The following SNX8 variants were observed in gnomAD, a reference collection of about 807,000 sequenced individuals.
SNX8 encodes the protein sorting nexin-8.
Under a neutral mutation model 51.6 loss-of-function variants are expected in SNX8, and 25 were observed. That is an observed-to-expected ratio of 0.48 (90% confidence interval 0.35 to 0.68). The LOEUF (loss-of-function observed/expected upper bound fraction) is 0.68, where lower values mean the gene tolerates loss of function less well. Ranked by LOEUF, SNX8 falls within the 30% of genes least tolerant of loss-of-function variation. The pLI is 0.00. For synonymous variants in SNX8, 324 were observed against 277.0 expected (o/e 1.17, Z -1.68); for missense variants, 695 against 624.0 (o/e 1.11, Z -1.21).
At chr7:2,345,955 C>T (rs1303925559) in intron 1 of SNX8, among the ~76,000 whole-genome samples, 1 of 151,790 alleles carries the variant, frequency 6.6e-6, no homozygotes, top group Non-Finnish European at 1.5e-5. Flanking sequence ...TTATAGGCAC[C>T]CACCACCACT....
Position 2,324,772 on chromosome 7 carries a change from T to A in SNX8, c.-66+29450A>T, listed in dbSNP as rs544047174. On this transcript the variant is annotated intron_variant, in intron 1 of 5. Coordinates refer to the SNX8 transcript ENST00000435336. ...ACAACCCTTGTGGGCATTTGCCCTG[T>A]GTTATAAAGCTACCAATTTCTTCTC... is the stretch of plus-strand genomic sequence containing the variant. Among the ~76,000 whole-genome samples, 4 of 152,236 alleles carry A rather than the reference T, an allele frequency of 2.6e-5. No individual in the cohort carries two copies. The South Asian group carries it at 8.3e-4, about 32-fold the overall frequency.
intron 1 of SNX8, among the ~76,000 whole-genome samples, chr7:2,352,309 C>A (rs1779161613): frequency 6.6e-6 from 1 of 152,032 alleles, no homozygotes; most frequent in African/African-American, 2.4e-5. Flanking sequence ...AGACTGCTTC[C>A]AAACACAGTA....
At chr7:2,323,346 A>AC (rs899568685) in intron 1 of SNX8, among the ~76,000 whole-genome samples, 1 of 151,232 alleles carries the variant, frequency 6.6e-6, no homozygotes, top group Non-Finnish European at 1.5e-5. Context: ...AAAAAAAAAA[A>AC]AAACAACCAA....
chr7:2,256,046 C>T (rs947202972), intron 10 of SNX8, among the ~76,000 whole-genome samples: 1 of 152,210 alleles, frequency 6.6e-6, no homozygotes, highest in Non-Finnish European at 1.5e-5. Flanking sequence ...CATCATGCTC[C>T]GGGCGCCTGT....
intron 1 of SNX8, among the ~76,000 whole-genome samples, chr7:2,280,259 T>G (rs899671498): frequency 2.6e-5 from 4 of 152,182 alleles, no homozygotes; most frequent in African/African-American, 9.7e-5. Flanking sequence ...AGGAATAATG[T>G]TTAAAAAGTC....
intron 1 of SNX8, among the ~76,000 whole-genome samples, chr7:2,349,082 C>T (rs1244086672): frequency 1.3e-5 from 2 of 148,936 alleles, no homozygotes; most frequent in Non-Finnish European, 3.0e-5. Context: ...CTTACACCTG[C>T]AATACCAGCT....
intron 1 of SNX8, among the ~76,000 whole-genome samples, chr7:2,294,524 C>A (rs1325164435): frequency 6.6e-6 from 1 of 152,154 alleles, no homozygotes; most frequent in Non-Finnish European, 1.5e-5. Flanking sequence ...ATTGGAGGCC[C>A]AGCGGGTGAT....
intron 7 of SNX8, among the ~76,000 whole-genome samples, chr7:2,262,908 A>C (rs1263035235): frequency 2.0e-5 from 3 of 152,228 alleles, no homozygotes; most frequent in African/African-American, 7.2e-5. Context: ...ACCTAAGGTC[A>C]GGAGTTCAAG....
chr7:2,306,444 A>G (rs778525820), intron 1 of SNX8, among the ~76,000 whole-genome samples: 18 of 152,206 alleles, frequency 1.2e-4, no homozygotes, highest in Admixed American at 2.6e-4. Flanking sequence ...TCCATTTAAC[A>G]AATCATTTTC....
chr7:2,347,300 G>T (rs752626136), intron 1 of SNX8, among the ~76,000 whole-genome samples: 1 of 151,874 alleles, frequency 6.6e-6, no homozygotes, highest in Admixed American at 6.6e-5. Flanking sequence ...TGGCTAACAC[G>T]GCGAAACCTG....
At chr7:2,296,999 A>C (rs1037031860) in intron 1 of SNX8, among the ~76,000 whole-genome samples, 1 of 152,012 alleles carries the variant, frequency 6.6e-6, no homozygotes, top group Non-Finnish European at 1.5e-5. Context: ...CTAATCCATC[A>C]CAGGGACATG....
intron 4 of SNX8, among the ~76,000 whole-genome samples, chr7:2,271,294 G>A (rs930888156): frequency 3.9e-5 from 6 of 152,200 alleles, no homozygotes; most frequent in East Asian, 1.9e-4. Context: ...ATCCAGCCTC[G>A]GCCTCTCCGA....
intron 1 of SNX8, among the ~76,000 whole-genome samples, chr7:2,332,743 A>AAAGGAAGGAAGGAAGGAAGGAAGGAAGG (rs57859551): frequency 2.8e-5 from 4 of 140,384 alleles, no homozygotes; most frequent in African/African-American, 1.1e-4. Context: ...GAGAGAGAGA[A>AAAGGAAGGAAGGAAGGAAGGAAGGAAGG]AAGGAAGGAA....
At chr7:2,343,005 G>A (rs1052193894) in intron 1 of SNX8, among the ~76,000 whole-genome samples, 1 of 151,770 alleles carries the variant, frequency 6.6e-6, no homozygotes, top group African/African-American at 2.4e-5. Context: ...GTATTGGTCA[G>A]GCTGGTCTTG....
chr7:2,305,286 T>C (rs1428576739), intron 1 of SNX8, among the ~76,000 whole-genome samples: 1 of 152,180 alleles, frequency 6.6e-6, no homozygotes, highest in Non-Finnish European at 1.5e-5. Flanking sequence ...GGGGCATGAA[T>C]ACCAAGGCAG....
At chr7:2,285,244 T>C (rs975212358) in intron 1 of SNX8, among the ~76,000 whole-genome samples, 1 of 145,648 alleles carries the variant, frequency 6.9e-6, no homozygotes, top group Non-Finnish European at 1.5e-5. Context: ...AAAAAATTAG[T>C]TAGGCATGGT....
At chr7:2,327,435 T>C (rs1778642391) in intron 1 of SNX8, among the ~76,000 whole-genome samples, 1 of 151,116 alleles carries the variant, frequency 6.6e-6, no homozygotes, top group Non-Finnish European at 1.5e-5. Context: ...GGAAACGGAG[T>C]CTCGCTCTGT....
chr7:2,273,642 A>C (rs902011654), intron 3 of SNX8, among the ~76,000 whole-genome samples: 2 of 151,602 alleles, frequency 1.3e-5, no homozygotes, highest in African/African-American at 4.8e-5. Flanking sequence ...GGTGGCTCAC[A>C]CCTGTAATCC....
chr7:2,270,177 T>G (rs1795609630), intron 4 of SNX8, among the ~76,000 whole-genome samples: 1 of 152,082 alleles, frequency 6.6e-6, no homozygotes, highest in East Asian at 1.9e-4. Flanking sequence ...AGAGGCCTCC[T>G]GGGCAAAGCC....
Sources: gnomAD v4.1 joint callset for allele counts (sites outside exome capture counted in the v4.1 genomes callset) on GRCh38, gnomAD v4.1.1 for gene constraint, MANE v1.5 for transcripts, NCBI Gene and HGNC (gene_info 2026-07-23, HGNC 2026-07-21) for gene names.